Variants in APBB1 observed in about 807,000 individuals in gnomAD.
The protein encoded by APBB1 is amyloid beta precursor protein binding family B member 1.
A neutral mutation model predicts 78.4 loss-of-function variants in APBB1; 22 were observed. The observed-to-expected ratio is 0.28, with a 90% CI of 0.20 to 0.40. The LOEUF (loss-of-function observed/expected upper bound fraction) is 0.40, where lower values mean the gene tolerates loss of function less well. Ranked by LOEUF, APBB1 falls within the 10% of genes least tolerant of loss-of-function variation. The probability of loss-of-function intolerance (pLI) is 1.00; values close to 1 mark genes in which losing one functional copy is unlikely to be tolerated. For synonymous variants in APBB1, 369 were observed against 372.7 expected, an observed-to-expected ratio of 0.99 and a Z score of 0.12; for missense variants, 749 against 932.4, an observed-to-expected ratio of 0.80 and a Z score of 2.56.
At chr11:6,400,221 A>G (rs2134052905) in intron 12 of APBB1, among the ~76,000 whole-genome samples, 1 of 152,336 alleles carries the variant, frequency 6.6e-6, no homozygotes, top group South Asian at 2.1e-4. Context: ...AATAGCAGAC[A>G]CTAGGAAAGC....
Position 6,403,797 on chromosome 11 carries a change from G to A in APBB1, c.747C>T (p.Phe249=), listed in dbSNP as rs143987647. Residue 249 remains phenylalanine, a synonymous_variant, in exon 3 of 15, where the codon TTC becomes TTT. Coordinates refer to ENST00000609360, the MANE Select transcript of APBB1 (RefSeq NM_001164.5). The surrounding 1 kb of genome is among the most constrained non-coding windows in gnomAD (Gnocchi z 5.3). ...DTDSFWNPNA[F]ETDSDLPAGW... is the part of the protein sequence containing the mutation. ...CAGCCGGCAGGTCGGAATCCGTCTCGAAGGCGTTGGGGTTCCAGAAGGAAT... is the reference window on the plus strand; with the variant it reads ...CAGCCGGCAGGTCGGAATCCGTCTCAAAGGCGTTGGGGTTCCAGAAGGAAT... 1.9e-5 allele frequency: 29 copies of A among 1,564,156 alleles called. No individual in the cohort carries two copies. Among genetic ancestry groups the A allele is most frequent in the African/African-American group, 1.1e-4 (8 of 73,442 alleles).
chr11:6,403,074 G>A lies in APBB1; in HGVS notation c.1104+71C>T. 6.9e-7 allele frequency: 1 copy of A among 1,445,416 alleles called. No individual in the cohort carries two copies. 89.5% of individuals were successfully genotyped at this position (1,445,416 alleles called of 1,614,324 possible). A position where few individuals can be genotyped will look rare whatever the true frequency, so the allele number is the denominator to read the frequency against. On this transcript the variant is annotated intron_variant, in intron 6 of 14. Transcript: ENST00000609360. This position sits in a 1 kb window ranked among gnomAD's most constrained non-coding sequence, Gnocchi z 5.3. Reference sequence around the variant, plus strand: ...GGGAACTGCGCTGAGACCCCTCAGAGCACAACATTAGGGGCTGTCTGACAA... The same window carrying A: ...GGGAACTGCGCTGAGACCCCTCAGAACACAACATTAGGGGCTGTCTGACAA...
Position 6,402,125 on chromosome 11 carries a change from T to C in APBB1, c.1339A>G (p.Ile447Val), listed in dbSNP as rs765658334. Reference sequence around the variant, plus strand: ...ACGCCCCACACGCGGATGCTGATGATGGGTTGGGCGTGCAGCAGTGCCTGG... The same window carrying C: ...ACGCCCCACACGCGGATGCTGATGACGGGTTGGGCGTGCAGCAGTGCCTGG... ...QSQALLHAQP[I>V]ISIRVWGVGR... Residue 447 changes from isoleucine (I) to valine (V), a missense_variant, in exon 8 of 15, where the codon ATC becomes GTC. Coordinates refer to ENST00000609360, the MANE Select transcript of APBB1 (RefSeq NM_001164.5). 4 of 1,614,088 alleles carry C rather than the reference T, an allele frequency of 2.5e-6. No individual in the cohort carries two copies. The highest frequency in any genetic ancestry group is 3.4e-6 in the Non-Finnish European group (4 of 1,179,994).
chr11:6,405,429 C>G (rs1848760138), intron 2 of APBB1: 1 of 987,418 alleles, frequency 1.0e-6, no homozygotes, highest in Admixed American at 6.0e-5. Context: ...TCGGCAACCG[C>G]AGCACCAGGA....
intron 1 of APBB1, among the ~76,000 whole-genome samples, chr11:6,416,613 T>A (rs1368691838): frequency 6.6e-6 from 1 of 152,208 alleles, no homozygotes; most frequent in African/African-American, 2.4e-5. Context: ...TCTTGACATG[T>A]CCTTCTCCTG....
rs750022495 is a variant in APBB1 at position 6,410,670 on chromosome 11, G to T, written c.678C>A (p.Thr226=). ...AASDEDSSWA[T]LSQGSPSYGS... ...CATAGGAGGGGCTGCCCTGGGATAA[G>T]GTAGCCCAGCTTGAGTCCTCATCAC... is the stretch of plus-strand genomic sequence containing the variant. Residue 226 remains threonine, a synonymous_variant, in exon 2 of 15, where the codon ACC becomes ACA. Transcript: ENST00000609360. 2.0e-6 allele frequency: 3 copies of T among 1,520,884 alleles called. No individual in the cohort carries two copies. Among genetic ancestry groups the T allele is most frequent in the Non-Finnish European group, 2.6e-6 (3 of 1,135,072 alleles). 94.2% of individuals were successfully genotyped at this position (1,520,884 alleles called of 1,614,324 possible).
intron 1 of APBB1, among the ~76,000 whole-genome samples, chr11:6,416,517 C>A (rs150869328): frequency 8.5e-5 from 13 of 152,284 alleles, no homozygotes; most frequent in African/African-American, 3.1e-4. Context: ...TTTCCCACTC[C>A]CACACACTAA....
chr11:6,410,562 G>A (rs1007667588), intron 2 of APBB1, 65 bp downstream of exon 2: 77 of 1,420,380 alleles, frequency 5.4e-5, no homozygotes, highest in East Asian at 4.4e-4. Flanking sequence ...ACTGGCCTCT[G>A]TATGAGAGTC....
Position 6,419,033 on chromosome 11 carries a change from G to T in APBB1, c.-63C>A, listed in dbSNP as rs1195396411. The stretch of plus-strand genomic sequence containing the variant: ...AGATGACGGAGGTGGCTCAGGCTGC[G>T]GGGTTCGGGCTCCGCCGCGGCTTCT... On this transcript the variant is annotated 5_prime_UTR_variant, in exon 1 of 15. Transcript: ENST00000609360. 2.5e-6 allele frequency: 1 copy of T among 393,370 alleles called. No individual in the cohort carries two copies. The highest frequency in any genetic ancestry group is 4.5e-6 in the Non-Finnish European group (1 of 222,658). The allele number at this position is 393,370 out of a possible 1,614,324, so 24.4% of individuals were successfully genotyped here.
chr11:6,402,639 G>A lies in APBB1; in HGVS notation c.1191C>T (p.Cys397=). ...PGRSSVAVNN[C]IRQLSYHKNN... Reference sequence around the variant, plus strand: ...TTTTGTGGTAAGAGAGCTGACGGATGCAATTGTTGACTGCCACACTGCTGC... The same window carrying A: ...TTTTGTGGTAAGAGAGCTGACGGATACAATTGTTGACTGCCACACTGCTGC... Residue 397 remains cysteine, a synonymous_variant, in exon 7 of 15, where the codon TGC becomes TGT. Transcript: ENST00000609360. The A allele has an allele frequency of 2.5e-6, 4 of 1,614,152 alleles. No homozygotes were observed. Among genetic ancestry groups the A allele is most frequent in the Non-Finnish European group, 3.4e-6 (4 of 1,180,032 alleles).
intron 2 of APBB1, 84 bp downstream of exon 2, chr11:6,410,543 C>T (rs890424495): frequency 7.9e-7 from 1 of 1,261,900 alleles, no homozygotes; most frequent in Middle Eastern, 2.4e-4. Context: ...CAGCTCACAT[C>T]AGGCTGGCAC....
intron 12 of APBB1, among the ~76,000 whole-genome samples, chr11:6,398,717 G>A (rs928016237): frequency 3.3e-5 from 5 of 152,242 alleles, no homozygotes; most frequent in African/African-American, 7.2e-5. Context: ...CTTTGGCAGT[G>A]CCATCGAATC....
chr11:6,416,160 G>A (rs996391923), intron 1 of APBB1, among the ~76,000 whole-genome samples: 4 of 152,104 alleles, frequency 2.6e-5, no homozygotes, highest in African/African-American at 9.7e-5. Context: ...CTCTCATCCA[G>A]CCTCTATCCG....
intron 2 of APBB1, among the ~76,000 whole-genome samples, chr11:6,405,889 T>C (rs1848782249): frequency 1.3e-5 from 2 of 152,270 alleles, no homozygotes; most frequent in South Asian, 2.1e-4. Flanking sequence ...AACAGCACCC[T>C]AGGGCCTCCA....
intron 1 of APBB1, among the ~76,000 whole-genome samples, chr11:6,413,300 C>A (rs185422692): frequency 1.3e-5 from 2 of 152,328 alleles, no homozygotes; most frequent in East Asian, 3.9e-4. Context: ...CCCTCACTGA[C>A]CATCCCAACA....
Position 6,402,712 on chromosome 11 carries a change from C to G in APBB1, c.1118G>C (p.Arg373Pro). 6.2e-7 allele frequency: 1 copy of G among 1,614,060 alleles called. No individual in the cohort carries two copies. Among genetic ancestry groups the G allele is most frequent in the Non-Finnish European group, 8.5e-7 (1 of 1,179,980 alleles). Reference protein sequence around the residue: ...TNPGIKCFAVRSLGWVEMTEE... With the variant: ...TNPGIKCFAVPSLGWVEMTEE... Reference sequence around the variant, plus strand: ...GGTCATCTCTACCCAGCCTAGGGAGCGCACGGCGAAACACTGCCAGACACA... The same window carrying G: ...GGTCATCTCTACCCAGCCTAGGGAGGGCACGGCGAAACACTGCCAGACACA... The change falls in exon 7 of 15, where the codon CGC (arginine) becomes CCC (proline). Residue 373 changes from arginine (R) to proline (P), a missense_variant. Physicochemically the swap from Arg to Pro is moderately radical, Grantham distance 103. Around this residue, in one of 3 missense-constraint regions of APBB1, gnomAD observed 635 missense variants for 765.0 expected, o/e 0.83. Transcript: ENST00000609360.
chr11:6,401,628 G>A lies in APBB1; in HGVS notation c.1449C>T (p.Arg483=). 6.2e-7 allele frequency: 1 copy of A among 1,614,218 alleles called. No individual in the cohort carries two copies. Among genetic ancestry groups the A allele is most frequent in the Non-Finnish European group, 8.5e-7 (1 of 1,180,040 alleles). ...CGATGTTCTTGGCAGGTGCCTCACA[G>A]CGAAACACGTGGCACTTGAGCATCT... ...LTQMLKCHVF[R]CEAPAKNIAT... Residue 483 remains arginine (R), a synonymous_variant, in exon 10 of 15, where the codon CGC becomes CGT. Transcript: ENST00000609360. This position sits in a 1 kb window ranked among gnomAD's most constrained non-coding sequence, Gnocchi z 4.5.
rs900822204 is a variant in APBB1 at position 6,395,366 on chromosome 11, G to T, written c.*168C>A. On this transcript the variant is annotated 3_prime_UTR_variant, in exon 15 of 15. Transcript: ENST00000609360. The surrounding 1 kb of genome is among the most constrained non-coding windows in gnomAD (Gnocchi z 5.2). ...TCCAGTGTTATCACTTCCTTGAAGG[G>T]ATTAGATCTCTCCCTCCCCAGCTCC... is the stretch of plus-strand genomic sequence containing the variant. 6 of 687,666 alleles carry T rather than the reference G, an allele frequency of 8.7e-6. No individual in the cohort carries two copies. In the Admixed American group the frequency reaches 1.1e-4, roughly 12 times the overall value. 42.6% of individuals were successfully genotyped at this position (687,666 alleles called of 1,614,324 possible).
Position 6,401,254 on chromosome 11 carries a change from A to T in APBB1, c.1588+91T>A. 6.2e-7 allele frequency: 1 copy of T among 1,611,534 alleles called. No homozygotes were observed. ...TCAGTCTTCATGTGTTCATTTTTCTATCAGCGCTGTCCAGGAGCTCATGCC... is the reference window on the plus strand; with the variant it reads ...TCAGTCTTCATGTGTTCATTTTTCTTTCAGCGCTGTCCAGGAGCTCATGCC... On this transcript the variant is annotated intron_variant, in intron 11 of 14. Coordinates refer to ENST00000609360, the MANE Select transcript of APBB1 (RefSeq NM_001164.5). This position sits in a 1 kb window ranked among gnomAD's most constrained non-coding sequence, Gnocchi z 4.5.
Sources: allele counts gnomAD v4.1 joint callset (sites outside exome capture counted in the v4.1 genomes callset), GRCh38; gene constraint gnomAD v4.1.1; regional missense constraint gnomAD v4.1.1; non-coding constraint Gnocchi (gnomAD v3.1); transcripts MANE v1.5; gene names NCBI Gene and HGNC (gene_info 2026-07-23, HGNC 2026-07-21).